Variants in ZMYND11 observed in about 807,000 individuals in gnomAD.
ZMYND11 encodes zinc finger MYND domain-containing protein 11.
ZMYND11 carries 9 observed loss-of-function variants against 84.9 expected under a neutral mutation model. That is an observed-to-expected ratio of 0.11 (90% CI 0.06 to 0.18). ZMYND11 has a LOEUF of 0.18. Ranked by LOEUF, ZMYND11 falls within the 10% of genes least tolerant of loss-of-function variation. The pLI is 1.00. For synonymous variants in ZMYND11, 250 were observed against 244.1 expected, an observed-to-expected ratio of 1.02 and a Z score of -0.23; for missense variants, 409 against 761.0, an observed-to-expected ratio of 0.54 and a Z score of 5.44.
At chr10:193,956 T>G (rs1481431277) in intron 2 of ZMYND11, among the ~76,000 whole-genome samples, 1 of 152,168 alleles carries the variant, frequency 6.6e-6, no homozygotes, top group Admixed American at 6.5e-5. Context: ...ATTAAAAAAT[T>G]CATTAATCTA....
At chr10:196,068 A>G (rs1345297709) in intron 2 of ZMYND11, among the ~76,000 whole-genome samples, 2 of 152,216 alleles carry the variant, frequency 1.3e-5, no homozygotes, top group African/African-American at 2.4e-5. Flanking sequence ...AGGTCTATTG[A>G]TGACCCATTC....
upstream of ZMYND11, chr10:135,007 G>A (rs1388043280): frequency 1.3e-5 from 2 of 149,036 alleles, no homozygotes; most frequent in African/African-American, 4.9e-5. This position sits in a 1 kb window ranked among gnomAD's most constrained non-coding sequence, Gnocchi z 5.6. Context: ...CCGGCCGCGG[G>A]GCGCCTCGAC....
At chr10:149,040 A>C (rs917366204) in intron 1 of ZMYND11, among the ~76,000 whole-genome samples, 1 of 152,170 alleles carries the variant, frequency 6.6e-6, no homozygotes, top group Non-Finnish European at 1.5e-5. Context: ...TAGAGTAGGA[A>C]ATGTTAGATG....
intron 1 of ZMYND11, among the ~76,000 whole-genome samples, chr10:155,891 G>A (rs1470438205): frequency 6.6e-6 from 1 of 152,206 alleles, no homozygotes; most frequent in Non-Finnish European, 1.5e-5. Context: ...ACTTAAACCA[G>A]TTCTAAAAGG....
chr10:251,323 C>CGACACGCCTCATCCAAGCCGTTTCCA (rs1383187242), intron 14 of ZMYND11, among the ~76,000 whole-genome samples: 3 of 152,122 alleles, frequency 2.0e-5, no homozygotes. Flanking sequence ...ATGTGAATCC[C>CGACACGCCTCATCCAAGCCGTTTCCA]GACACGCCTC....
intron 2 of ZMYND11, among the ~76,000 whole-genome samples, chr10:202,854 CTTGTG>C (rs1442974168): frequency 1.3e-5 from 2 of 152,058 alleles, no homozygotes; most frequent in African/African-American, 2.4e-5. Context: ...CAGACCTCTT[CTTGTG>C]TTGTGTGTTA....
At chr10:154,510 C>T (rs886523685) in intron 1 of ZMYND11, among the ~76,000 whole-genome samples, 15 of 152,094 alleles carry the variant, frequency 9.9e-5, no homozygotes, top group Admixed American at 2.0e-4. Context: ...CACGGAGGCC[C>T]CAGCTGGGAG....
chr10:186,803 C>T (rs1938672965), intron 2 of ZMYND11, among the ~76,000 whole-genome samples: 1 of 151,934 alleles, frequency 6.6e-6, no homozygotes, highest in South Asian at 2.1e-4. Flanking sequence ...CTTATCTGTT[C>T]TGAATGTTTG....
chr10:217,046 TTATC>T (rs1946296630), intron 3 of ZMYND11, among the ~76,000 whole-genome samples: 1 of 152,224 alleles, frequency 6.6e-6, no homozygotes, highest in Non-Finnish European at 1.5e-5. Context: ...TGTGTAATAT[TTATC>T]TACTCATTAA....
At chr10:192,414 T>C (rs547256739) in intron 2 of ZMYND11, among the ~76,000 whole-genome samples, 1 of 152,330 alleles carries the variant, frequency 6.6e-6, no homozygotes, top group South Asian at 2.1e-4. Context: ...GTTTTCAAGT[T>C]TTTCATTGTG....
At chr10:187,628 C>T (rs1333783550) in intron 2 of ZMYND11, among the ~76,000 whole-genome samples, 22 of 43,078 alleles carry the variant, frequency 5.1e-4, no homozygotes, top group South Asian at 1.5e-3. Context: ...AGCGGGACTC[C>T]GTCTCAAAAA....
At chr10:232,618 G>A (rs1432776763) in intron 4 of ZMYND11, among the ~76,000 whole-genome samples, 1 of 152,148 alleles carries the variant, frequency 6.6e-6, no homozygotes, top group African/African-American at 2.4e-5. Flanking sequence ...TGCTTGAGAA[G>A]GGCTTCATGG....
At chr10:240,750 TTTAAAATTTAGGCTTAAAAGA>T (rs1950753210) in intron 8 of ZMYND11, 122 bp from the exon 9 acceptor site, 3 of 664,538 alleles carry the variant, frequency 4.5e-6, no homozygotes, top group African/African-American at 1.8e-5. Context: ...TATTGAAAAC[TTTAAAATTTAGGCTTAAAAGA>T]TTAAGAAACA....
intron 2 of ZMYND11, among the ~76,000 whole-genome samples, chr10:192,645 C>G (rs1320780307): frequency 6.6e-6 from 1 of 152,230 alleles, no homozygotes; most frequent in East Asian, 1.9e-4. Flanking sequence ...ACTGAGCTCT[C>G]AAGAAGGGCC....
chr10:221,566 G>T (rs982109485), intron 4 of ZMYND11, among the ~76,000 whole-genome samples: 1 of 152,126 alleles, frequency 6.6e-6, no homozygotes, highest in African/African-American at 2.4e-5. Flanking sequence ...TTTTAATCAC[G>T]TAAAAATATA....
At chr10:192,711 A>G (rs1465345737) in intron 2 of ZMYND11, among the ~76,000 whole-genome samples, 1 of 152,194 alleles carries the variant, frequency 6.6e-6, no homozygotes, top group Non-Finnish European at 1.5e-5. Context: ...TTTCCTGCGT[A>G]TCTGCATTTG....
At chr10:138,243 C>T (rs1258811834) in intron 1 of ZMYND11, among the ~76,000 whole-genome samples, 3 of 146,622 alleles carry the variant, frequency 2.0e-5, no homozygotes, top group South Asian at 2.2e-4. Context: ...CCGGGTAGCT[C>T]GTACTACAGG....
chr10:248,636 C>T (rs1952695915), intron 13 of ZMYND11, 28 bp downstream of exon 13: 3 of 1,568,476 alleles, frequency 1.9e-6, no homozygotes, highest in Non-Finnish European at 2.6e-6. Flanking sequence ...TGTGGGTGCC[C>T]TGCTGCAGCC....
intron 10 of ZMYND11, among the ~76,000 whole-genome samples, chr10:243,774 A>G (rs966795157): frequency 1.3e-5 from 2 of 152,168 alleles, no homozygotes; most frequent in African/African-American, 4.8e-5. Flanking sequence ...CTGAGGCAGG[A>G]GAATGGCGTG....
Sources: gnomAD v4.1 joint callset for allele counts (sites outside exome capture counted in the v4.1 genomes callset) on GRCh38, gnomAD v4.1.1 for gene constraint, Gnocchi (gnomAD v3.1) non-coding constraint, MANE v1.5 for transcripts, NCBI Gene and HGNC (gene_info 2026-07-23, HGNC 2026-07-21) for gene names.